The following TYW3 variants were observed in gnomAD, a reference collection of about 807,000 sequenced individuals.
TYW3 encodes the protein tRNA wybutosine-synthesizing protein 3 homolog.
In TYW3, 26 loss-of-function variants were observed where a neutral mutation model predicts 23.1. The observed-to-expected ratio is 1.13, with a 90% CI of 0.83 to 1.56. TYW3 has a LOEUF of 1.56. Among genes scored for constraint, TYW3 ranks in the 40% most tolerant of loss-of-function variants. The pLI is 0.00. For synonymous variants in TYW3, 102 were observed against 105.7 expected, an observed-to-expected ratio of 0.97 and a Z score of 0.21; for missense variants, 316 against 311.9, an observed-to-expected ratio of 1.01 and a Z score of -0.10.
chr1:74,746,364 T>C (rs1422634517), intron 3 of TYW3, among the ~76,000 whole-genome samples: 1 of 152,222 alleles, frequency 6.6e-6, no homozygotes, highest in Non-Finnish European at 1.5e-5. Context: ...CCTGAACTTT[T>C]ATCTAACCTT....
At chr1:74,758,477 T>C (rs2100776147) in intron 5 of TYW3, among the ~76,000 whole-genome samples, 1 of 150,898 alleles carries the variant, frequency 6.6e-6, no homozygotes, top group Non-Finnish European at 1.5e-5. Flanking sequence ...TGGTTCTGAT[T>C]CTTATCGTCA....
chr1:74,741,766 A>G (rs954497096), intron 3 of TYW3, among the ~76,000 whole-genome samples: 2 of 152,150 alleles, frequency 1.3e-5, no homozygotes, highest in African/African-American at 4.8e-5. Context: ...TGTGAGGACA[A>G]TTTTGGATTC....
chr1:74,765,295 A>C lies in TYW3; in HGVS notation c.*1182A>C, dbSNP rs957950683. ...CCTGTGCCAGGGATTTCATGTGTAC[A>C]CTTTATAGGAGAATAAGCAAGAGCT... On this transcript the variant is annotated 3_prime_UTR_variant, in exon 6 of 6. Transcript: ENST00000370867. 3.3e-5 allele frequency: 5 copies of C among 152,166 alleles called. No homozygotes were observed. Among genetic ancestry groups the C allele is most frequent in the African/African-American group, 9.7e-5 (4 of 41,446 alleles). 9.4% of individuals were successfully genotyped at this position (152,166 alleles called of 1,614,324 possible). A position where few individuals can be genotyped will look rare whatever the true frequency, so the allele number is the denominator to read the frequency against.
chr1:74,734,982 C>T (rs1267452198), intron 1 of TYW3, among the ~76,000 whole-genome samples: 1 of 152,106 alleles, frequency 6.6e-6, no homozygotes, highest in Non-Finnish European at 1.5e-5. Flanking sequence ...GTTAGCAGGG[C>T]CTGTTCATTT....
intron 5 of TYW3, among the ~76,000 whole-genome samples, chr1:74,761,040 A>G (rs866561554): frequency 5.9e-5 from 9 of 151,484 alleles, no homozygotes; most frequent in African/African-American, 2.2e-4. Context: ...CAAGGAGAGA[A>G]AAAATACAGT....
rs192354812 is a variant in TYW3 at position 74,744,585 on chromosome 1, T to C, written c.355-4166T>C. On this transcript the variant is annotated intron_variant, in intron 3 of 5. Coordinates refer to ENST00000370867, the MANE Select transcript of TYW3 (RefSeq NM_138467.3). ...TCCAATGGTACTCACCACTTGGCAATAGGCGATTGTCCCATCTGGGTCGCC... is the reference window on the plus strand; with the variant it reads ...TCCAATGGTACTCACCACTTGGCAACAGGCGATTGTCCCATCTGGGTCGCC... 7.9e-5 allele frequency among the ~76,000 whole-genome samples: 12 copies of C among 152,274 alleles called. No homozygotes were observed. In the East Asian group the frequency reaches 1.5e-3, roughly 20 times the overall value.
At chr1:74,743,311 T>C (rs886976540) in intron 3 of TYW3, among the ~76,000 whole-genome samples, 68 of 152,138 alleles carry the variant, frequency 4.5e-4, no homozygotes, top group African/African-American at 1.6e-3. Context: ...CGGATCTCGC[T>C]TTTCCTTTTG....
At chr1:74,744,018 G>A (rs530355439) in intron 3 of TYW3, among the ~76,000 whole-genome samples, 5 of 152,110 alleles carry the variant, frequency 3.3e-5, no homozygotes, top group African/African-American at 4.8e-5. Context: ...TTCCCCTCCC[G>A]CTACAGCTTG....
chr1:74,752,504 T>A, intron 5 of TYW3, 79 bp downstream of exon 5: 1 of 1,250,732 alleles, frequency 8.0e-7, no homozygotes. Flanking sequence ...CTATCTTCAG[T>A]TTATAATGCC....
chr1:74,749,644 A>C (rs1648705821), intron 4 of TYW3, among the ~76,000 whole-genome samples: 1 of 152,192 alleles, frequency 6.6e-6, no homozygotes, highest in African/African-American at 2.4e-5. Flanking sequence ...ATGACAAAAG[A>C]GGACACCCTT....
rs1409027144 is a variant in TYW3, at chr1:74,766,345, G to A, written c.*2232G>A. 6.6e-6 allele frequency: 1 copy of A among 152,110 alleles called. No individual in the cohort carries two copies. The highest frequency in any genetic ancestry group is 1.5e-5 in the Non-Finnish European group (1 of 68,022). 9.4% of individuals were successfully genotyped at this position (152,110 alleles called of 1,614,324 possible). On this transcript the variant is annotated 3_prime_UTR_variant, in exon 6 of 6. Transcript: ENST00000370867. ...GGCATTGTTATCATAGAAGGTGACAGCTTCATGTGTGTTATTGCCCCTGAA... is the reference window on the plus strand; with the variant it reads ...GGCATTGTTATCATAGAAGGTGACAACTTCATGTGTGTTATTGCCCCTGAA...
chr1:74,743,605 T>C (rs149834410), intron 3 of TYW3, among the ~76,000 whole-genome samples: 2,149 of 152,268 alleles, frequency 0.014, 24 homozygotes, highest in East Asian at 0.056. Context: ...ATGGGCTTTT[T>C]CCTAATTCTC....
chr1:74,753,730 G>A (rs1199091841), intron 5 of TYW3, among the ~76,000 whole-genome samples: 1 of 152,164 alleles, frequency 6.6e-6, no homozygotes, highest in Non-Finnish European at 1.5e-5. Flanking sequence ...CTCCTTCATT[G>A]ATTCATGGAG....
intron 4 of TYW3, among the ~76,000 whole-genome samples, chr1:74,751,751 C>A (rs1648794530): frequency 6.6e-6 from 1 of 151,990 alleles, no homozygotes; most frequent in South Asian, 2.1e-4. Context: ...TGTTCTTAAC[C>A]TCTATCCAGT....
intron 4 of TYW3, chr1:74,750,128 C>A (rs1294187094): frequency 6.6e-6 from 1 of 152,238 alleles, no homozygotes. Context: ...TAATACTTGA[C>A]CCCACCCTAG....
At chr1:74,756,050 A>C (rs1176119530) in intron 5 of TYW3, among the ~76,000 whole-genome samples, 2 of 152,182 alleles carry the variant, frequency 1.3e-5, no homozygotes, top group Admixed American at 1.3e-4. Context: ...CATGTGAGAC[A>C]TGCCTTTCAC....
chr1:74,744,125 A>G lies in TYW3; in HGVS notation c.355-4626A>G, dbSNP rs1648466589. 2.6e-5 allele frequency among the ~76,000 whole-genome samples: 4 copies of G among 152,104 alleles called. No individual in the cohort carries two copies. The South Asian group carries it at 6.2e-4, about 24-fold the overall frequency. ...AGGGGGAGATTAGAGGAGGCTTATCATTAATAGGAAGGGGAGCTATAGGGA... is the reference window on the plus strand; with the variant it reads ...AGGGGGAGATTAGAGGAGGCTTATCGTTAATAGGAAGGGGAGCTATAGGGA... On this transcript the variant is annotated intron_variant, in intron 3 of 5. Transcript: ENST00000370867.
intron 3 of TYW3, among the ~76,000 whole-genome samples, chr1:74,739,477 G>A (rs1254258315): frequency 6.6e-6 from 1 of 152,218 alleles, no homozygotes; most frequent in Non-Finnish European, 1.5e-5. Flanking sequence ...TCTCTGAAAA[G>A]CTTTCTTTAA....
rs550346635 is a variant in TYW3, at chr1:74,733,519, G to A, written c.174+101G>A. 1.2e-5 allele frequency: 18 copies of A among 1,504,116 alleles called. No homozygotes were observed. In the African/African-American group the frequency reaches 2.5e-4, roughly 21 times the overall value. 93.2% of individuals were successfully genotyped at this position (1,504,116 alleles called of 1,614,324 possible). On this transcript the variant is annotated intron_variant, in intron 1 of 5. Transcript: ENST00000370867. ...GACCGGATCCAGCATGTCTGTGTTT[G>A]CTCCTCTGAGGGGTGGTCTCTGTTT...
Sources: gnomAD v4.1 joint callset for allele counts (sites outside exome capture counted in the v4.1 genomes callset) on GRCh38, gnomAD v4.1.1 for gene constraint, MANE v1.5 for transcripts, NCBI Gene and HGNC (gene_info 2026-07-23, HGNC 2026-07-21) for gene names.